Variants in CEP43 observed in about 807,000 individuals in gnomAD.
The protein encoded by CEP43 is centrosomal protein 43, also known as FGFR1 oncogene partner.
CEP43 carries 36 observed loss-of-function variants against 52.6 expected under a neutral mutation model. The ratio of observed to expected loss-of-function variants is 0.68; its 90% CI spans 0.52 to 0.90. CEP43 has a LOEUF of 0.90. Ranked by LOEUF, CEP43 falls within the 40% of genes least tolerant of loss-of-function variation. CEP43 has a pLI of 0.00. For missense variants in CEP43, 506 were observed against 472.8 expected (o/e 1.07, Z -0.65); for synonymous variants, 192 against 172.4 (o/e 1.11, Z -0.89).
intron 8 of CEP43, among the ~76,000 whole-genome samples, chr6:167,024,190 T>C (rs1780301734): frequency 6.6e-6 from 1 of 152,126 alleles, no homozygotes; most frequent in African/African-American, 2.4e-5. Flanking sequence ...GTGGCACCTG[T>C]GCAAGCTGTC....
chr6:167,020,436 AGG>A (rs1780200348), intron 7 of CEP43, among the ~76,000 whole-genome samples: 1 of 152,198 alleles, frequency 6.6e-6, no homozygotes, highest in Non-Finnish European at 1.5e-5. Context: ...ACCATCCTTC[AGG>A]AGCGTCTTGT....
In CEP43 at chr6:167,044,661, A is replaced by G. The variant is rs1422199596; in HGVS notation, c.*4683A>G. On this transcript the variant is annotated 3_prime_UTR_variant, in exon 13 of 13. Transcript: ENST00000366847. The stretch of plus-strand genomic sequence containing the variant: ...GAATCTTGCTGCCCTTAGAAAATGA[A>G]CCCCCGAACAAGGTAAGGTCGAGCT... The G allele has an allele frequency of 1.5e-6, 1 of 650,616 alleles. No individual in the cohort carries two copies. Among genetic ancestry groups the G allele is most frequent in the Non-Finnish European group, 1.9e-6 (1 of 524,364 alleles). 40.3% of individuals were successfully genotyped at this position (650,616 alleles called of 1,614,324 possible).
chr6:167,048,108 T>C lies in CEP43; in HGVS notation c.*8130T>C, dbSNP rs922362896. 1 of 152,184 alleles carries C rather than the reference T, an allele frequency of 6.6e-6. No homozygotes were observed. The highest frequency in any genetic ancestry group is 1.5e-5 in the Non-Finnish European group (1 of 68,052). The allele number at this position is 152,184 out of a possible 1,614,324, so 9.4% of individuals were successfully genotyped here. On this transcript the variant is annotated 3_prime_UTR_variant, in exon 13 of 13. Transcript: ENST00000366847. The stretch of plus-strand genomic sequence containing the variant: ...TCATCTGGACATTAAAACTGAATTG[T>C]AGGCAGGCGTGGTGGCTCACACCTG...
In CEP43 at chr6:167,003,703, C is replaced by CT. The variant is rs539762914; in HGVS notation, c.212-15dup. 341 of 1,527,914 alleles carry CT rather than the reference C, an allele frequency of 2.2e-4. 2 individuals are homozygous for CT. In the East Asian group the frequency reaches 6.3e-3, roughly 28 times the overall value. The allele number at this position is 1,527,914 out of a possible 1,614,324, so 94.6% of individuals were successfully genotyped here. On this transcript the variant is annotated intron_variant, in intron 3 of 12. Coordinates refer to ENST00000366847, the MANE Select transcript of CEP43 (RefSeq NM_007045.4). ...AGTTTTTGAAGATTTGCTTACTTACCTTTTTCTTGATCTTTATAGGTCGTT... is the reference window on the plus strand; with the variant it reads ...AGTTTTTGAAGATTTGCTTACTTACCTTTTTTCTTGATCTTTATAGGTCGTT...
chr6:167,020,839 G>A (rs1780210775), intron 7 of CEP43, among the ~76,000 whole-genome samples: 1 of 151,428 alleles, frequency 6.6e-6, no homozygotes, highest in Admixed American at 6.6e-5. Context: ...AATCTGGGAG[G>A]CGGAGGTTGC....
chr6:167,030,722 C>T (rs73030108), intron 10 of CEP43, among the ~76,000 whole-genome samples: 3,084 of 152,306 alleles, frequency 0.02, 52 homozygotes, highest in East Asian at 0.091. Flanking sequence ...GACTTTCTGA[C>T]AGCCTTCTGC....
intron 5 of CEP43, among the ~76,000 whole-genome samples, chr6:167,009,888 T>C (rs910692600): frequency 5.9e-5 from 9 of 151,842 alleles, no homozygotes; most frequent in Non-Finnish European, 1.0e-4. Context: ...AGATGACCTT[T>C]TGAGAATCAA....
At chr6:167,012,870 C>A (rs1028003516) in intron 6 of CEP43, among the ~76,000 whole-genome samples, 1 of 152,172 alleles carries the variant, frequency 6.6e-6, no homozygotes, top group Non-Finnish European at 1.5e-5. Flanking sequence ...AGTTTAGTCT[C>A]CGTTTCTCAG....
rs533713039 is a variant in CEP43 at position 167,036,090 on chromosome 6, A to G, written c.1125+2119A>G. 36 of 985,368 alleles carry G rather than the reference A, an allele frequency of 3.7e-5. No individual in the cohort carries two copies. In the African/African-American group the frequency reaches 5.6e-4, roughly 15 times the overall value. The allele number at this position is 985,368 out of a possible 1,614,324, so 61.0% of individuals were successfully genotyped here. On this transcript the variant is annotated intron_variant, in intron 12 of 12. Coordinates refer to ENST00000366847, the MANE Select transcript of CEP43 (RefSeq NM_007045.4). ...CTCAAATTTATGCAGGATCAGAGAG[A>G]GAAAAGCCATGTACACAAACATAGG...
intron 5 of CEP43, among the ~76,000 whole-genome samples, chr6:167,008,591 C>T (rs2128658980): frequency 6.6e-6 from 1 of 152,266 alleles, no homozygotes; most frequent in South Asian, 2.1e-4. Flanking sequence ...CCTCAGCCTC[C>T]CGAGTAGCTG....
chr6:167,051,792 G>A lies in CEP43; in HGVS notation c.*11814G>A, dbSNP rs1366145717. On this transcript the variant is annotated 3_prime_UTR_variant, in exon 13 of 13. Transcript: ENST00000366847. ...GCATAGCTATTCTTGCTCTTACTGTGGCAATTTGTATGATACCTTTTTCTT... is the reference window on the plus strand; with the variant it reads ...GCATAGCTATTCTTGCTCTTACTGTAGCAATTTGTATGATACCTTTTTCTT... The A allele has an allele frequency of 6.6e-6, 1 of 152,012 alleles. No homozygotes were observed. Among genetic ancestry groups the A allele is most frequent in the Middle Eastern group, 3.2e-3 (1 of 314 alleles). The allele number at this position is 152,012 out of a possible 1,614,324, so 9.4% of individuals were successfully genotyped here. A position where few individuals can be genotyped will look rare whatever the true frequency, so the allele number is the denominator to read the frequency against.
intron 6 of CEP43, among the ~76,000 whole-genome samples, chr6:167,011,362 A>T (rs942796095): frequency 3.9e-5 from 6 of 152,192 alleles, no homozygotes; most frequent in Non-Finnish European, 8.8e-5. Context: ...TTTCTAAGAA[A>T]ATGTATGTAC....
At chr6:167,025,518 A>G (rs1175015068) in intron 9 of CEP43, among the ~76,000 whole-genome samples, 1 of 152,246 alleles carries the variant, frequency 6.6e-6, no homozygotes, top group Non-Finnish European at 1.5e-5. Flanking sequence ...GTTGTATTTA[A>G]TTAGCGTAGT....
chr6:167,037,409 A>G (rs1404334742), intron 12 of CEP43, among the ~76,000 whole-genome samples: 1 of 152,250 alleles, frequency 6.6e-6, no homozygotes. Flanking sequence ...TCACTCTGTA[A>G]TAATGATGGG....
chr6:167,039,994 T>C lies in CEP43; in HGVS notation c.*16T>C, dbSNP rs768044679. The C allele has an allele frequency of 2.5e-6, 4 of 1,612,942 alleles. No homozygotes were observed. In the African/African-American group the frequency reaches 4.0e-5, roughly 16 times the overall value. On this transcript the variant is annotated 3_prime_UTR_variant, in exon 13 of 13. Transcript: ENST00000366847. ...TGTTGCATAGACACGAAGAAGGAAGTATTCTAATTAACAAGGACAGAGGAC... is the reference window on the plus strand; with the variant it reads ...TGTTGCATAGACACGAAGAAGGAAGCATTCTAATTAACAAGGACAGAGGAC...
chr6:167,044,301 C>A lies in CEP43; in HGVS notation c.*4323C>A. 1.7e-6 allele frequency: 1 copy of A among 595,226 alleles called. No homozygotes were observed. The highest frequency in any genetic ancestry group is 8.5e-4 in the Middle Eastern group (1 of 1,182). The allele number at this position is 595,226 out of a possible 1,614,324, so 36.9% of individuals were successfully genotyped here. A position where few individuals can be genotyped will look rare whatever the true frequency, so the allele number is the denominator to read the frequency against. ...AGGTTATAATAAAAATGATTTTTGA[C>A]TAAAAAATTGTTGGCCTAAGATAAT... On this transcript the variant is annotated 3_prime_UTR_variant, in exon 13 of 13. Coordinates refer to ENST00000366847, the MANE Select transcript of CEP43 (RefSeq NM_007045.4).
At chr6:167,013,890 T>C (rs527609376) in intron 7 of CEP43, among the ~76,000 whole-genome samples, 86 of 152,336 alleles carry the variant, frequency 5.6e-4, no homozygotes, top group African/African-American at 2.0e-3. Context: ...GGAGAATCGC[T>C]TTAACCCGGG....
At chr6:167,027,567 A>G (rs1271912244) in intron 10 of CEP43, among the ~76,000 whole-genome samples, 1 of 152,236 alleles carries the variant, frequency 6.6e-6, no homozygotes, top group Non-Finnish European at 1.5e-5. Context: ...TCCAAGGGGC[A>G]GCTCCGAGAA....
intron 11 of CEP43, among the ~76,000 whole-genome samples, chr6:167,033,096 T>TCC (rs1433301651): frequency 9.5e-5 from 12 of 125,704 alleles, no homozygotes; most frequent in African/African-American, 3.3e-4. Context: ...AGATTGCCAT[T>TCC]CTCTTTTTTT....
Sources: gnomAD v4.1 joint callset for allele counts (sites outside exome capture counted in the v4.1 genomes callset) on GRCh38, gnomAD v4.1.1 for gene constraint, MANE v1.5 for transcripts, NCBI Gene and HGNC (gene_info 2026-07-23, HGNC 2026-07-21) for gene names.